VPS41: variants seen among roughly 807,000 people sequenced by gnomAD.
VPS41 encodes the protein VPS41 subunit of HOPS complex, also known as vacuolar protein sorting-associated protein 41 homolog.
VPS41 carries 85 observed loss-of-function variants against 130.9 expected under a neutral mutation model. The observed-to-expected ratio is 0.65, with a 90% confidence interval of 0.55 to 0.78. VPS41 has a LOEUF of 0.78. Ranked by LOEUF, VPS41 falls within the 30% of genes least tolerant of loss-of-function variation. The pLI, the probability that VPS41 is intolerant of heterozygous loss-of-function variation, is 0.00. For synonymous variants in VPS41, 335 were observed against 332.9 expected, an observed-to-expected ratio of 1.01 and a Z score of -0.07; for missense variants, 874 against 1,018.7, an observed-to-expected ratio of 0.86 and a Z score of 1.93.
chr7:38,733,580 C>T (rs1028097779), intron 25 of VPS41, among the ~76,000 whole-genome samples: 1 of 152,156 alleles, frequency 6.6e-6, no homozygotes, highest in Non-Finnish European at 1.5e-5. Context: ...TTTCAAAGAT[C>T]AATCATTTTT....
intron 23 of VPS41, among the ~76,000 whole-genome samples, chr7:38,744,588 A>G (rs1283203246): frequency 6.6e-6 from 1 of 152,242 alleles, no homozygotes; most frequent in Non-Finnish European, 1.5e-5. Flanking sequence ...TTCTAAGACA[A>G]TATGACAAAA....
intron 25 of VPS41, among the ~76,000 whole-genome samples, chr7:38,734,914 A>C (rs949874599): frequency 3.3e-5 from 5 of 152,158 alleles, no homozygotes. Flanking sequence ...TCACAATGCT[A>C]TGGGACTTGA....
At chr7:38,895,240 T>C (rs1482369722) in intron 2 of VPS41, among the ~76,000 whole-genome samples, 1 of 152,114 alleles carries the variant, frequency 6.6e-6, no homozygotes, top group East Asian at 1.9e-4. Context: ...GAGAATCGCT[T>C]GAACCTGGGA....
In VPS41 at chr7:38,794,839, A is replaced by G. The variant is rs115504532; in HGVS notation, c.717+626T>C. On this transcript the variant is annotated intron_variant, in intron 9 of 28. Coordinates refer to ENST00000310301, the MANE Select transcript of VPS41 (RefSeq NM_014396.4). ...TAAAGGGAAACAACTTTTGGCTCTG[A>G]AGTATCTAATATAACAGAAGCACTA... Among the ~76,000 whole-genome samples the G allele has an allele frequency of 9.0e-3, 1,368 of 152,298 alleles. 26 individuals are homozygous for G. Among genetic ancestry groups the G allele is most frequent in the African/African-American group, 0.03 (1,263 of 41,566 alleles).
intron 4 of VPS41, among the ~76,000 whole-genome samples, chr7:38,839,435 T>C (rs1168987440): frequency 1.3e-5 from 2 of 152,168 alleles, no homozygotes; most frequent in African/African-American, 4.8e-5. Flanking sequence ...TATTCTTTTT[T>C]TCTTTGAAAC....
chr7:38,899,338 T>C (rs1787091645), intron 1 of VPS41, among the ~76,000 whole-genome samples: 1 of 152,252 alleles, frequency 6.6e-6, no homozygotes, highest in African/African-American at 2.4e-5. Flanking sequence ...AAGTTCTTAT[T>C]CATTTGAAGC....
chr7:38,764,636 A>G (rs763978720), intron 16 of VPS41, among the ~76,000 whole-genome samples: 1 of 152,126 alleles, frequency 6.6e-6, no homozygotes, highest in Admixed American at 6.5e-5. Flanking sequence ...AAAAATGACA[A>G]GAAGTGGAGA....
chr7:38,766,136 A>G (rs1331117779), intron 15 of VPS41, among the ~76,000 whole-genome samples: 1 of 152,242 alleles, frequency 6.6e-6, no homozygotes, highest in Middle Eastern at 3.2e-3. Flanking sequence ...CTGCTTATGT[A>G]TGAATGAAAC....
chr7:38,813,822 AC>A (rs535749950), intron 7 of VPS41, among the ~76,000 whole-genome samples: 38 of 152,146 alleles, frequency 2.5e-4, no homozygotes, highest in Non-Finnish European at 2.6e-4. Flanking sequence ...ATACATATAA[AC>A]TTTTTTTCTG....
intron 25 of VPS41, among the ~76,000 whole-genome samples, chr7:38,740,592 A>C (rs1396057183): frequency 6.6e-6 from 1 of 152,180 alleles, no homozygotes; most frequent in Non-Finnish European, 1.5e-5. Flanking sequence ...TATATCGTTA[A>C]GCTTTTTGCG....
At chr7:38,904,607 T>C (rs968885335) in intron 1 of VPS41, among the ~76,000 whole-genome samples, 1 of 152,238 alleles carries the variant, frequency 6.6e-6, no homozygotes, top group South Asian at 2.1e-4. Context: ...TTTAACATAC[T>C]TTATATTCAC....
At chr7:38,730,778 T>C (rs867486860) in intron 25 of VPS41, among the ~76,000 whole-genome samples, 3 of 152,038 alleles carry the variant, frequency 2.0e-5, no homozygotes, top group African/African-American at 7.2e-5. Context: ...AACCACAACA[T>C]CTCAGATAAA....
intron 2 of VPS41, among the ~76,000 whole-genome samples, chr7:38,886,451 G>T (rs1018296129): frequency 6.6e-6 from 1 of 152,210 alleles, no homozygotes. Context: ...GGGGGGAGGG[G>T]TGTCTGCCGT....
At chr7:38,898,454 A>G (rs7782277) in intron 1 of VPS41, among the ~76,000 whole-genome samples, 138,165 of 152,260 alleles carry the variant, frequency 0.91, 62,760 homozygotes, top group East Asian at 0.99. Context: ...CACTAATCTC[A>G]GAAGGGAAGA....
intron 2 of VPS41, among the ~76,000 whole-genome samples, chr7:38,876,229 T>C (rs1036552483): frequency 1.3e-5 from 2 of 152,136 alleles, no homozygotes; most frequent in Admixed American, 1.3e-4. Flanking sequence ...GGTTGAAAAA[T>C]TCTGGATTAA....
At chr7:38,830,006 G>A (rs558420128) in intron 5 of VPS41, among the ~76,000 whole-genome samples, 4 of 152,326 alleles carry the variant, frequency 2.6e-5, no homozygotes, top group African/African-American at 9.6e-5. Flanking sequence ...AAGGTGACAC[G>A]TCACCCTGCC....
intron 4 of VPS41, among the ~76,000 whole-genome samples, chr7:38,837,227 T>C (rs1785514411): frequency 6.6e-6 from 1 of 152,194 alleles, no homozygotes; most frequent in Non-Finnish European, 1.5e-5. Flanking sequence ...CCCAATCGTA[T>C]TAGCATGGGA....
At chr7:38,831,761 G>A (rs1287979600) in intron 4 of VPS41, among the ~76,000 whole-genome samples, 1 of 152,198 alleles carries the variant, frequency 6.6e-6, no homozygotes, top group Admixed American at 6.5e-5. Context: ...TCACAATGAG[G>A]AAAATGAGGC....
At chr7:38,751,527 A>C (rs1158243625) in intron 22 of VPS41, among the ~76,000 whole-genome samples, 1 of 152,218 alleles carries the variant, frequency 6.6e-6, no homozygotes, top group African/African-American at 2.4e-5. Flanking sequence ...CATGTATATA[A>C]TTTATTCATT....
Sources: gnomAD v4.1 joint callset for allele counts (sites outside exome capture counted in the v4.1 genomes callset) on GRCh38, gnomAD v4.1.1 for gene constraint, MANE v1.5 for transcripts, NCBI Gene and HGNC (gene_info 2026-07-23, HGNC 2026-07-21) for gene names.